RARB: variants seen among roughly 807,000 people sequenced by gnomAD.
RARB encodes retinoic acid receptor beta, also known as HBV-activated protein.
In RARB, 17 loss-of-function variants were observed where a neutral mutation model predicts 51.9. The ratio of observed to expected loss-of-function variants is 0.33; its 90% CI spans 0.22 to 0.49. The LOEUF is 0.49. RARB is among the 20% of genes least tolerant of loss of function. The pLI, the probability that RARB is intolerant of heterozygous loss-of-function variation, is 0.99. For synonymous variants in RARB, 215 were observed against 195.4 expected (o/e 1.10, Z -0.84); for missense variants, 369 against 550.8 (o/e 0.67, Z 3.30).
intron 3 of RARB, among the ~76,000 whole-genome samples, chr3:25,504,787 TTTTTG>T (rs1212564100): frequency 4.3e-3 from 567 of 132,678 alleles, no homozygotes; most frequent in African/African-American, 0.013. Context: ...TTTTTTTTTT[TTTTTG>T]TGTCACCCAG....
At chr3:25,381,768 C>T (rs879517551) in intron 5 of RARB, among the ~76,000 whole-genome samples, 10 of 152,228 alleles carry the variant, frequency 6.6e-5, no homozygotes, top group Admixed American at 3.9e-4. Flanking sequence ...CAGGCCCTAT[C>T]TCTGCCCTAC....
At chr3:25,131,004 TTATTTATCAA>T (rs1270805977) in intron 3 of RARB, among the ~76,000 whole-genome samples, 5 of 28,582 alleles carry the variant, frequency 1.7e-4, no homozygotes, top group African/African-American at 7.4e-4. Context: ...TATTTATTTA[TTATTTATCAA>T]TGAAATTATA....
intron 4 of RARB, among the ~76,000 whole-genome samples, chr3:25,156,671 C>T (rs549061359): frequency 2.0e-5 from 3 of 151,822 alleles, no homozygotes; most frequent in South Asian, 4.2e-4. Flanking sequence ...TCCTACAACA[C>T]ATTAAAAAAA....
At chr3:25,545,961 G>A (rs552672529) in intron 3 of RARB, among the ~76,000 whole-genome samples, 19 of 152,294 alleles carry the variant, frequency 1.2e-4, no homozygotes, top group African/African-American at 3.4e-4. Context: ...TGATGAATTA[G>A]TTAAGGAAGG....
At chr3:25,216,256 T>A (rs1288780739) in intron 5 of RARB, among the ~76,000 whole-genome samples, 2 of 152,212 alleles carry the variant, frequency 1.3e-5, no homozygotes. Flanking sequence ...TCTTTGGTAA[T>A]TCATTTCTTA....
chr3:25,062,087 A>C (rs1177603436), intron 3 of RARB, among the ~76,000 whole-genome samples: 1 of 151,846 alleles, frequency 6.6e-6, no homozygotes, highest in Non-Finnish European at 1.5e-5. Context: ...CAAAAGATAA[A>C]TGAAGCTGAA....
At chr3:25,451,757 A>G (rs925199868) in intron 1 of RARB, among the ~76,000 whole-genome samples, 2 of 152,222 alleles carry the variant, frequency 1.3e-5, no homozygotes, top group Non-Finnish European at 2.9e-5. Context: ...AAATAGATAT[A>G]TAGTACATAA....
Position 25,436,612 on chromosome 3 carries a change from G to A in RARB, c.157+7724G>A, listed in dbSNP as rs867664363. Reference sequence around the variant, plus strand: ...TTTGGATTTGCAGGGAAAGTTGGGGGATGCAGATGAACAAGGCATCTCTCT... The same window carrying A: ...TTTGGATTTGCAGGGAAAGTTGGGGAATGCAGATGAACAAGGCATCTCTCT... On this transcript the variant is annotated intron_variant, in intron 1 of 7. Coordinates refer to ENST00000330688, the MANE Select transcript of RARB (RefSeq NM_000965.5). Among the ~76,000 whole-genome samples the A allele has an allele frequency of 2.0e-5, 3 of 152,318 alleles. No individual in the cohort carries two copies. The South Asian group carries it at 6.2e-4, about 32-fold the overall frequency.
intron 5 of RARB, among the ~76,000 whole-genome samples, chr3:25,422,729 C>T (rs143939304): frequency 9.2e-5 from 14 of 151,468 alleles, no homozygotes; most frequent in African/African-American, 3.2e-4. Context: ...TAATAAAAAG[C>T]CCTATTATTC....
rs540089072 is a variant in RARB at position 25,561,340 on chromosome 3, T to A, written c.449-8418T>A. On this transcript the variant is annotated intron_variant, in intron 3 of 7. Transcript: ENST00000330688. ...GTAGCATAAAAGGCATTTGGGCACG[T>A]GTTACTGTTGCATAAAAACACTCTT... Among the ~76,000 whole-genome samples the A allele has an allele frequency of 2.6e-5, 4 of 152,322 alleles. No homozygotes were observed. The East Asian group carries it at 7.7e-4, about 29-fold the overall frequency.
In RARB at chr3:25,216,157, A is replaced by G. The variant is rs554968576; in HGVS notation, c.178+41582A>G. Reference sequence around the variant, plus strand: ...GACACCTCAAACCACCACCCATGGAAGAGGCTAGATGTTACCAGACAGCCA... The same window carrying G: ...GACACCTCAAACCACCACCCATGGAGGAGGCTAGATGTTACCAGACAGCCA... On this transcript the variant is annotated intron_variant, in intron 5 of 11. Transcript: ENST00000383772. 9.9e-5 allele frequency among the ~76,000 whole-genome samples: 15 copies of G among 152,280 alleles called. No individual in the cohort carries two copies. The East Asian group carries it at 2.9e-3, about 29-fold the overall frequency.
chr3:25,407,204 GAAC>G (rs1244989822), intron 5 of RARB, among the ~76,000 whole-genome samples: 3 of 152,174 alleles, frequency 2.0e-5, no homozygotes, highest in Admixed American at 1.3e-4. Flanking sequence ...TTCCTCAACA[GAAC>G]CTAACTTCCT....
At chr3:25,507,898 T>G (rs1153586) in intron 3 of RARB, among the ~76,000 whole-genome samples, 1 of 152,196 alleles carries the variant, frequency 6.6e-6, no homozygotes, top group Middle Eastern at 3.4e-3. Context: ...TGGGTGCCCC[T>G]ACCCTGTGTC....
intron 5 of RARB, among the ~76,000 whole-genome samples, chr3:25,249,241 G>A (rs536409001): frequency 7.9e-4 from 120 of 151,866 alleles, no homozygotes; most frequent in Middle Eastern, 3.4e-3. Context: ...AATGTATTTT[G>A]TATGGCATTT....
chr3:24,969,798 CAG>C (rs1276100092), intron 2 of RARB, among the ~76,000 whole-genome samples: 1 of 152,082 alleles, frequency 6.6e-6, no homozygotes, highest in Non-Finnish European at 1.5e-5. Flanking sequence ...GATGTTTCCT[CAG>C]AGAGTGGTGT....
At chr3:25,140,616 T>C (rs2125336807) in intron 4 of RARB, among the ~76,000 whole-genome samples, 1 of 152,344 alleles carries the variant, frequency 6.6e-6, no homozygotes, top group Non-Finnish European at 1.5e-5. Context: ...ACGAAACATT[T>C]AGAATATTCC....
chr3:25,001,555 T>C (rs956581287), intron 2 of RARB, among the ~76,000 whole-genome samples: 1 of 152,138 alleles, frequency 6.6e-6, no homozygotes, highest in Non-Finnish European at 1.5e-5. Flanking sequence ...TGATTGACTG[T>C]GGCCCCACCT....
At chr3:25,567,537 C>T (rs1336402323) in intron 3 of RARB, among the ~76,000 whole-genome samples, 1 of 152,188 alleles carries the variant, frequency 6.6e-6, no homozygotes, top group Non-Finnish European at 1.5e-5. Flanking sequence ...ATTCCACTTC[C>T]CCGTCATCGG....
intron 5 of RARB, among the ~76,000 whole-genome samples, chr3:25,270,428 C>G (rs1161777304): frequency 6.6e-6 from 1 of 152,008 alleles, no homozygotes; most frequent in East Asian, 1.9e-4. Context: ...CTAAAGTAGT[C>G]AAATTCATAG....
Sources: gnomAD v4.1 joint callset for allele counts (sites outside exome capture counted in the v4.1 genomes callset) on GRCh38, gnomAD v4.1.1 for gene constraint, MANE v1.5 for transcripts, NCBI Gene and HGNC (gene_info 2026-07-23, HGNC 2026-07-21) for gene names.